SYPL1: variants seen among roughly 807,000 people sequenced by gnomAD.
SYPL1 encodes synaptophysin like 1, also known as synaptophysin-like protein 1.
Under a neutral mutation model 23.7 loss-of-function variants are expected in SYPL1, and 6 were observed. The observed-to-expected ratio is 0.25, with a 90% CI of 0.14 to 0.50. The LOEUF is 0.50. Among genes scored for constraint, SYPL1 ranks in the 20% least tolerant of loss-of-function variants. The pLI, the probability that SYPL1 is intolerant of heterozygous loss-of-function variation, is 0.98. For synonymous variants in SYPL1, 102 were observed against 104.5 expected (o/e 0.98, Z 0.15); for missense variants, 253 against 288.9 (o/e 0.88, Z 0.90).
intron 3 of SYPL1, 113 bp from the exon 4 acceptor site, chr7:106,093,250 C>T (rs1272936680): frequency 3.0e-6 from 3 of 987,786 alleles, no homozygotes; most frequent in East Asian, 2.7e-5. Flanking sequence ...TGAGAAATGG[C>T]CTTCATGATA....
chr7:106,112,508 C>G, upstream of SYPL1: 1 of 1,524,152 alleles, frequency 6.6e-7, no homozygotes, highest in Non-Finnish European at 8.8e-7. Context: ...CGCTGGCGAA[C>G]CAAGTAGATG....
At chr7:106,110,400 C>T (rs756174017) in intron 1 of SYPL1, among the ~76,000 whole-genome samples, 8 of 152,234 alleles carry the variant, frequency 5.3e-5, no homozygotes, top group Non-Finnish European at 1.2e-4. Flanking sequence ...CAAATGCTCT[C>T]TCCCTCATTT....
chr7:106,097,687 T>C lies in SYPL1; in HGVS notation c.402+3A>G, dbSNP rs1173541247. 6.2e-7 allele frequency: 1 copy of C among 1,602,624 alleles called. No individual in the cohort carries two copies. Among genetic ancestry groups the C allele is most frequent in the Non-Finnish European group, 8.5e-7 (1 of 1,174,516 alleles). ...GTATTTAAAAAATAAAGTGATTACT[T>C]ACTATCATAGGAAGTTTACGACTAT... On this transcript the variant is annotated splice_donor_region_variant and intron_variant, in intron 3 of 4. Transcript: ENST00000455385. This position sits in a 1 kb window ranked among gnomAD's most constrained non-coding sequence, Gnocchi z 4.6.
intron 1 of SYPL1, among the ~76,000 whole-genome samples, chr7:106,106,343 T>G (rs1840597865): frequency 6.6e-6 from 1 of 151,130 alleles, no homozygotes; most frequent in African/African-American, 2.4e-5. Context: ...AGGTCAGGTG[T>G]TCGAAACCAG....
At chr7:106,093,365 G>A in intron 3 of SYPL1, 1 of 415,750 alleles carries the variant, frequency 2.4e-6, no homozygotes. Context: ...CCCCTCAGAA[G>A]TCTAAGATTT....
chr7:106,105,976 A>G (rs569971239), intron 1 of SYPL1, among the ~76,000 whole-genome samples: 23 of 152,232 alleles, frequency 1.5e-4, no homozygotes, highest in Non-Finnish European at 2.8e-4. Context: ...CTCATGTATA[A>G]AAGAGAAAAT....
chr7:106,108,537 C>A (rs559284625), intron 1 of SYPL1, among the ~76,000 whole-genome samples: 2 of 152,042 alleles, frequency 1.3e-5, no homozygotes, highest in Admixed American at 1.3e-4. Context: ...TATGATGGGA[C>A]CCCCAAACCA....
chr7:106,092,691 A>G (rs1839800439), intron 4 of SYPL1: 3 of 505,884 alleles, frequency 5.9e-6, no homozygotes, highest in Non-Finnish European at 1.1e-5. Flanking sequence ...AAAAAAAAAA[A>G]GAAATTAATC....
intron 1 of SYPL1, among the ~76,000 whole-genome samples, chr7:106,106,319 G>A (rs1039370377): frequency 2.0e-5 from 3 of 151,518 alleles, no homozygotes; most frequent in Non-Finnish European, 2.9e-5. Flanking sequence ...AGGCTGAGCC[G>A]GGTGGATCAC....
At chr7:106,105,841 T>C (rs934955334) in intron 1 of SYPL1, among the ~76,000 whole-genome samples, 1 of 152,202 alleles carries the variant, frequency 6.6e-6, no homozygotes, top group African/African-American at 2.4e-5. Flanking sequence ...TTAGTGTTCA[T>C]GCATTACAAT....
rs1006249647 is a variant in SYPL1, at chr7:106,104,087, T to G, written c.70-4805A>C. Among the ~76,000 whole-genome samples, 9 of 152,242 alleles carry G rather than the reference T, an allele frequency of 5.9e-5. No individual in the cohort carries two copies. The South Asian group carries it at 6.2e-4, about 11-fold the overall frequency. ...TATTTATGTCTTAAATGTATATGCT[T>G]CTTCTTCTGGGAATGCCCTGTCTCT... On this transcript the variant is annotated intron_variant, in intron 1 of 4. Transcript: ENST00000455385. The surrounding 1 kb of genome is among the most constrained non-coding windows in gnomAD (Gnocchi z 4.1).
At chr7:106,099,821 G>C (rs1251781577) in intron 1 of SYPL1, among the ~76,000 whole-genome samples, 2 of 152,194 alleles carry the variant, frequency 1.3e-5, no homozygotes, top group Non-Finnish European at 2.9e-5. Flanking sequence ...ACTAAGGAGT[G>C]TGCCACCATG....
At chr7:106,092,827 T>C in intron 4 of SYPL1, 122 bp downstream of exon 4, 1 of 841,890 alleles carries the variant, frequency 1.2e-6, no homozygotes, top group Non-Finnish European at 1.7e-6. Context: ...GTTACTAGAA[T>C]TCAGGTAGCT....
rs1427494198 is a variant in SYPL1 at position 106,090,975 on chromosome 7, T to A, written c.*830A>T. On this transcript the variant is annotated 3_prime_UTR_variant, in exon 5 of 5. Transcript: ENST00000455385. ...AGGGTCTGTAAAAAACGGTGGATTA[T>A]TTTACTGTACTTACAAAGAGGCTGG... 6.6e-6 allele frequency: 1 copy of A among 152,244 alleles called. No homozygotes were observed. The highest frequency in any genetic ancestry group is 1.9e-4 in the East Asian group (1 of 5,206). 9.4% of individuals were successfully genotyped at this position (152,244 alleles called of 1,614,324 possible).
rs760093970 is a variant in SYPL1, at chr7:106,099,174, A to T, written c.178T>A (p.Phe60Ile). 6.2e-7 allele frequency: 1 copy of T among 1,611,708 alleles called. No individual in the cohort carries two copies. The highest frequency in any genetic ancestry group is 8.5e-7 in the Non-Finnish European group (1 of 1,179,454). ...ATAACTCACCTGAATGGATAACCAA[A>T]AGTAGCTGTAACAGTTTTATTCTCA... is the stretch of plus-strand genomic sequence containing the variant. The part of the protein sequence containing the change: ...VTENKTVTAT[F>I]GYPFRLNEAS... The change falls in exon 2 of 5, where the codon TTT becomes ATT. Residue 60 changes from phenylalanine (F) to isoleucine (I), a missense_variant. Phe to Ile is a conservative substitution (Grantham distance 21). Transcript: ENST00000455385.
intron 1 of SYPL1, among the ~76,000 whole-genome samples, chr7:106,108,340 G>A (rs555729448): frequency 1.1e-4 from 17 of 152,252 alleles, no homozygotes; most frequent in South Asian, 4.1e-4. Flanking sequence ...GTGGAAAACT[G>A]ACAGCATTTG....
rs760352119 is a variant in SYPL1 at position 106,097,779 on chromosome 7, C to T, written c.313G>A (p.Val105Ile). Residue 105 changes from valine to isoleucine, a missense_variant, in exon 3 of 5, where the codon GTC becomes ATC. By Grantham distance (29) the Val-to-Ile change is conservative. Coordinates refer to ENST00000455385, the MANE Select transcript of SYPL1 (RefSeq NM_182715.4). The surrounding 1 kb of genome is among the most constrained non-coding windows in gnomAD (Gnocchi z 4.6). ...SSAQFYVTFA[V>I]FVFLYCIAAL... ...GCAATGCAGTACAGGAACACAAAGA[C>T]TGCAAAGGTAACATAGAATTGTGCA... The T allele has an allele frequency of 2.5e-6, 4 of 1,614,076 alleles. No individual in the cohort carries two copies. Among genetic ancestry groups the T allele is most frequent in the South Asian group, 2.2e-5 (2 of 91,084 alleles).
At chr7:106,098,919 T>C (rs1840165982) in intron 2 of SYPL1, among the ~76,000 whole-genome samples, 1 of 152,256 alleles carries the variant, frequency 6.6e-6, no homozygotes, top group African/African-American at 2.4e-5. Flanking sequence ...CAACATCACA[T>C]TGTTATAAAA....
intron 1 of SYPL1, among the ~76,000 whole-genome samples, chr7:106,110,636 C>G (rs1790096752): frequency 1.3e-5 from 2 of 152,136 alleles, no homozygotes; most frequent in African/African-American, 4.8e-5. Flanking sequence ...ACAAGCTGTT[C>G]AAACTGAAAG....
Sources: allele counts gnomAD v4.1 joint callset (sites outside exome capture counted in the v4.1 genomes callset), GRCh38; gene constraint gnomAD v4.1.1; non-coding constraint Gnocchi (gnomAD v3.1); transcripts MANE v1.5; gene names NCBI Gene and HGNC (gene_info 2026-07-23, HGNC 2026-07-21).